The following CNTNAP2 variants were observed in gnomAD, a reference collection of about 807,000 sequenced individuals.
CNTNAP2 encodes contactin associated protein 2.
A neutral mutation model predicts 155.2 loss-of-function variants in CNTNAP2; 98 were observed. The ratio of observed to expected loss-of-function variants is 0.63; its 90% CI spans 0.54 to 0.75. CNTNAP2 has a LOEUF of 0.75. Ranked by LOEUF, CNTNAP2 falls within the 30% of genes least tolerant of loss-of-function variation. CNTNAP2 has a pLI of 0.00. For synonymous variants in CNTNAP2, 651 were observed against 631.2 expected (o/e 1.03, Z -0.47); for missense variants, 1,727 against 1,688.1 (o/e 1.02, Z -0.40).
At chr7:146,143,486 TC>T (rs1301771697) in intron 1 of CNTNAP2, among the ~76,000 whole-genome samples, 1 of 152,100 alleles carries the variant, frequency 6.6e-6, no homozygotes, top group African/African-American at 2.4e-5. Flanking sequence ...TGTCCAGTCT[TC>T]TGATTGTCAC....
rs148473541 is a variant in CNTNAP2, at chr7:146,787,246, T to C, written c.208+12865T>C. On this transcript the variant is annotated intron_variant, in intron 2 of 23. Coordinates refer to ENST00000361727, the MANE Select transcript of CNTNAP2 (RefSeq NM_014141.6). The stretch of plus-strand genomic sequence containing the variant: ...GTTAAAATCACGTGCTTCTGAGGTG[T>C]ACAGGCTTCTATGGTACTGTGTGCG... Among the ~76,000 whole-genome samples the C allele has an allele frequency of 7.4e-4, 112 of 152,330 alleles. No homozygotes were observed. The Middle Eastern group carries it at 0.01, about 14-fold the overall frequency.
At position 148,201,892 on chromosome 7, in the gene CNTNAP2, C is replaced by T. The variant is rs114022110; in HGVS notation, c.3011-15396C>T. On this transcript the variant is annotated intron_variant, in intron 18 of 23. Transcript: ENST00000361727. ...CTATGGAACAAAAGAAATGGCAATA[C>T]ACAGGGAGATATTATAGTAAACAAA... is the stretch of plus-strand genomic sequence containing the variant. Among the ~76,000 whole-genome samples the T allele has an allele frequency of 7.2e-3, 1,091 of 151,910 alleles. 12 individuals carry two copies. The highest frequency in any genetic ancestry group is 0.025 in the African/African-American group (1,034 of 41,402).
At chr7:147,081,439 AC>A (rs5888234) in intron 4 of CNTNAP2, 51,061 of 143,378 alleles carry the variant, frequency 0.36, 11,435 homozygotes, top group Non-Finnish European at 0.47. Context: ...TTTTTCTGAG[AC>A]AGAGTCTCAC....
At position 147,973,966 on chromosome 7, in the gene CNTNAP2, T is replaced by A. The variant is rs114062705; in HGVS notation, c.2256-3896T>A. 6.9e-3 allele frequency among the ~76,000 whole-genome samples: 1,058 copies of A among 152,274 alleles called. 13 individuals are homozygous for A. Among genetic ancestry groups the A allele is most frequent in the African/African-American group, 0.025 (1,022 of 41,578 alleles). The stretch of plus-strand genomic sequence containing the variant: ...TTAAATTTTCAGTATCATTGACCAA[T>A]AATGCAAACATTTTCATAAAACGTG... On this transcript the variant is annotated intron_variant, in intron 14 of 23. Coordinates refer to ENST00000361727, the MANE Select transcript of CNTNAP2 (RefSeq NM_014141.6).
intron 10 of CNTNAP2, among the ~76,000 whole-genome samples, chr7:147,475,353 T>C (rs905020390): frequency 6.6e-6 from 1 of 152,200 alleles, no homozygotes; most frequent in African/African-American, 2.4e-5. Flanking sequence ...GAGAAGGCTT[T>C]TCCCATTAAA....
chr7:146,949,572 G>A (rs978008418), intron 3 of CNTNAP2, among the ~76,000 whole-genome samples: 1 of 152,028 alleles, frequency 6.6e-6, no homozygotes, highest in African/African-American at 2.4e-5. Flanking sequence ...GTGGAAGTGG[G>A]GCTACAAATA....
At chr7:147,152,545 A>G (rs1054773286) in intron 8 of CNTNAP2, among the ~76,000 whole-genome samples, 12 of 152,106 alleles carry the variant, frequency 7.9e-5, no homozygotes, top group African/African-American at 2.7e-4. Flanking sequence ...TGTTGTTATT[A>G]TGTTATTGGT....
intron 8 of CNTNAP2, among the ~76,000 whole-genome samples, chr7:147,216,678 C>T (rs1372884230): frequency 6.6e-6 from 1 of 151,932 alleles, no homozygotes; most frequent in Non-Finnish European, 1.5e-5. Flanking sequence ...TTTGCATCCC[C>T]ATATAAACTC....
At chr7:147,531,972 A>G (rs12670747) in intron 11 of CNTNAP2, among the ~76,000 whole-genome samples, 21,395 of 151,512 alleles carry the variant, frequency 0.14, 1,792 homozygotes, top group East Asian at 0.38. Flanking sequence ...ATGTCCGACT[A>G]ATTTTTTTGT....
intron 10 of CNTNAP2, among the ~76,000 whole-genome samples, chr7:147,443,114 A>G (rs1285847950): frequency 6.6e-6 from 1 of 151,932 alleles, no homozygotes; most frequent in East Asian, 1.9e-4. Context: ...CATGGCCTAT[A>G]CTGCCTTTCA....
intron 3 of CNTNAP2, among the ~76,000 whole-genome samples, chr7:147,028,535 TAG>T (rs1798965609): frequency 6.6e-6 from 1 of 152,026 alleles, no homozygotes; most frequent in Non-Finnish European, 1.5e-5. Context: ...CAAGGGAGAA[TAG>T]AGTTAGATGA....
Position 147,909,954 on chromosome 7 carries a change from G to T in CNTNAP2, c.2255+6233G>T, listed in dbSNP as rs188411503. On this transcript the variant is annotated intron_variant, in intron 14 of 23. Coordinates refer to ENST00000361727, the MANE Select transcript of CNTNAP2 (RefSeq NM_014141.6). ...AGAAAGGCCAAATACTAGCCGTTGT[G>T]CTCTCTTTCGCTGACCCTAAATGGA... 2.1e-3 allele frequency among the ~76,000 whole-genome samples: 315 copies of T among 152,246 alleles called. 1 individual carries two copies. The highest frequency in any genetic ancestry group is 2.9e-3 in the Non-Finnish European group (196 of 68,014).
intron 13 of CNTNAP2, among the ~76,000 whole-genome samples, chr7:147,876,514 T>A (rs966115286): frequency 7.9e-5 from 12 of 152,316 alleles, no homozygotes; most frequent in African/African-American, 2.9e-4. Context: ...GACCAACCCC[T>A]CTTCAATAAC....
rs572205978 is a variant in CNTNAP2, at chr7:147,581,367, A to G, written c.1897+19110A>G. Among the ~76,000 whole-genome samples, 4 of 152,356 alleles carry G rather than the reference A, an allele frequency of 2.6e-5. No homozygotes were observed. The East Asian group carries it at 7.7e-4, about 29-fold the overall frequency. On this transcript the variant is annotated intron_variant, in intron 12 of 23. Coordinates refer to ENST00000361727, the MANE Select transcript of CNTNAP2 (RefSeq NM_014141.6). ...CAAGTAATTTTGGGCTATTGTCACA[A>G]TTCAAATCTACCTTCATAGGAGAAA...
intron 10 of CNTNAP2, among the ~76,000 whole-genome samples, chr7:147,420,013 G>C (rs558311353): frequency 2.6e-4 from 39 of 152,268 alleles, no homozygotes; most frequent in Admixed American, 1.8e-3. Context: ...GATTCCACTA[G>C]ACACACAGGG....
intron 1 of CNTNAP2, among the ~76,000 whole-genome samples, chr7:146,525,229 A>G (rs1797671348): frequency 6.6e-6 from 1 of 152,058 alleles, no homozygotes; most frequent in Non-Finnish European, 1.5e-5. Flanking sequence ...CCTGGTTCTC[A>G]CTTAACCAAA....
chr7:148,111,128 T>C (rs992831721), intron 15 of CNTNAP2, among the ~76,000 whole-genome samples: 1 of 152,122 alleles, frequency 6.6e-6, no homozygotes, highest in African/African-American at 2.4e-5. Context: ...CAGTCAGCTG[T>C]CTAGTACTTG....
intron 1 of CNTNAP2, among the ~76,000 whole-genome samples, chr7:146,453,824 T>C (rs1360741139): frequency 1.3e-5 from 2 of 152,026 alleles, no homozygotes; most frequent in Non-Finnish European, 2.9e-5. Context: ...TGAGTGAAGT[T>C]GAAGACAGCA....
chr7:147,048,031 A>T (rs1158341113), intron 4 of CNTNAP2, among the ~76,000 whole-genome samples: 9 of 150,746 alleles, frequency 6.0e-5, no homozygotes, highest in Admixed American at 4.0e-4. Context: ...GTATTTGCAG[A>T]TGTGACTAAG....
Sources: allele counts gnomAD v4.1 joint callset (sites outside exome capture counted in the v4.1 genomes callset), GRCh38; gene constraint gnomAD v4.1.1; transcripts MANE v1.5; gene names NCBI Gene and HGNC (gene_info 2026-07-23, HGNC 2026-07-21).